EFNA5: variants seen among roughly 807,000 people sequenced by gnomAD.
EFNA5 encodes the protein ephrin-A5.
A neutral mutation model predicts 22.9 loss-of-function variants in EFNA5; 5 were observed. The observed-to-expected ratio is 0.22, with a 90% CI of 0.11 to 0.46. The LOEUF is 0.46. EFNA5 is among the 20% of genes least tolerant of loss of function. The pLI is 0.99. For synonymous variants in EFNA5, 113 were observed against 112.2 expected (o/e 1.01, Z -0.04); for missense variants, 237 against 293.3 (o/e 0.81, Z 1.40).
chr5:107,581,804 G>T (rs868256089), intron 1 of EFNA5, among the ~76,000 whole-genome samples: 69 of 152,300 alleles, frequency 4.5e-4, no homozygotes, highest in African/African-American at 1.6e-3. Context: ...AGACAAACTG[G>T]CTGTCCTGAA....
chr5:107,611,191 C>G (rs771177377), intron 1 of EFNA5, among the ~76,000 whole-genome samples: 2 of 151,698 alleles, frequency 1.3e-5, no homozygotes, highest in Non-Finnish European at 2.9e-5. Flanking sequence ...CAGAGCCCAC[C>G]GACAAAAATA....
Position 107,379,505 on chromosome 5 carries a change from T to TATATTGAA in EFNA5, c.*1742_*1749dup. The stretch of plus-strand genomic sequence containing the variant: ...TTACATGATCATCACATTTATTTCT[T>TATATTGAA]ATATTGAAAGGCATGGTTTCTGTTG... On this transcript the variant is annotated 3_prime_UTR_variant, in exon 5 of 5. Coordinates refer to ENST00000333274, the MANE Select transcript of EFNA5 (RefSeq NM_001962.3). The TATATTGAA allele has an allele frequency of 6.9e-6, 1 of 145,616 alleles. No homozygotes were observed. Among genetic ancestry groups the TATATTGAA allele is most frequent in the Non-Finnish European group, 1.5e-5 (1 of 67,348 alleles). The allele number at this position is 145,616 out of a possible 1,614,324, so 9.0% of individuals were successfully genotyped here. A position where few individuals can be genotyped will look rare whatever the true frequency, so the allele number is the denominator to read the frequency against.
chr5:107,501,183 C>A (rs935088236), intron 1 of EFNA5, among the ~76,000 whole-genome samples: 26 of 152,180 alleles, frequency 1.7e-4, no homozygotes, highest in Non-Finnish European at 3.1e-4. Flanking sequence ...CTTGTTAAAA[C>A]AATTTATTTG....
chr5:107,469,016 C>T lies in EFNA5; in HGVS notation c.126-41507G>A, dbSNP rs141469247. 5.0e-3 allele frequency among the ~76,000 whole-genome samples: 767 copies of T among 152,304 alleles called. 4 individuals are homozygous for T. Among genetic ancestry groups the T allele is most frequent in the Non-Finnish European group, 8.5e-3 (579 of 68,018 alleles). On this transcript the variant is annotated intron_variant, in intron 1 of 4. Coordinates refer to ENST00000333274, the MANE Select transcript of EFNA5 (RefSeq NM_001962.3). ...AAATTTAAACCACATTCTGCCACAA[C>T]CACCAATGAATGTTTAGCAGGACCA...
intron 1 of EFNA5, among the ~76,000 whole-genome samples, chr5:107,482,864 CTCTCTCTA>C (rs1277174474): frequency 4.5e-3 from 218 of 48,252 alleles, no homozygotes; most frequent in Middle Eastern, 0.019. Context: ...CTCTCTCTCT[CTCTCTCTA>C]TATATATATA....
Position 107,670,894 on chromosome 5 carries a change from G to T in EFNA5, c.-281C>A. 1 of 384,632 alleles carries T rather than the reference G, an allele frequency of 2.6e-6. No individual in the cohort carries two copies. Among genetic ancestry groups the T allele is most frequent in the South Asian group, 3.0e-5 (1 of 33,058 alleles). The allele number at this position is 384,632 out of a possible 1,614,324, so 23.8% of individuals were successfully genotyped here. On this transcript the variant is annotated 5_prime_UTR_variant, in exon 1 of 5. Coordinates refer to ENST00000333274, the MANE Select transcript of EFNA5 (RefSeq NM_001962.3). ...AAAAGGAATCACAAGATGGAGAGAAGCGTGCGTGTGTGTGGTGGCGGCGGC... is the reference window on the plus strand; with the variant it reads ...AAAAGGAATCACAAGATGGAGAGAATCGTGCGTGTGTGTGGTGGCGGCGGC...
intron 1 of EFNA5, among the ~76,000 whole-genome samples, chr5:107,462,620 G>C (rs1314796071): frequency 6.6e-6 from 1 of 152,086 alleles, no homozygotes; most frequent in East Asian, 1.9e-4. Flanking sequence ...CAATCTCCCA[G>C]AGACTTTGTG....
intron 1 of EFNA5, among the ~76,000 whole-genome samples, chr5:107,428,831 G>C (rs1461341302): frequency 6.6e-6 from 1 of 152,134 alleles, no homozygotes; most frequent in Non-Finnish European, 1.5e-5. Context: ...CCGCTTCTGT[G>C]TAATTTCTAC....
chr5:107,524,119 T>G (rs1747650058), intron 1 of EFNA5, among the ~76,000 whole-genome samples: 1 of 152,212 alleles, frequency 6.6e-6, no homozygotes, highest in African/African-American at 2.4e-5. Context: ...ATTTAACCTC[T>G]TTTCACCCAT....
rs1747440883 is a variant in EFNA5, at chr5:107,381,041, G to C, written c.*214C>G. The C allele has an allele frequency of 3.3e-6, 2 of 598,576 alleles. No homozygotes were observed. Among genetic ancestry groups the C allele is most frequent in the Non-Finnish European group, 5.5e-6 (2 of 361,808 alleles). The allele number at this position is 598,576 out of a possible 1,614,324, so 37.1% of individuals were successfully genotyped here. The stretch of plus-strand genomic sequence containing the variant: ...GTGAGAGAAGCCAAGGGCCAGGGCT[G>C]GGGGTGGGGCGGGGTGGGGTGAGGG... On this transcript the variant is annotated 3_prime_UTR_variant, in exon 5 of 5. Coordinates refer to ENST00000333274, the MANE Select transcript of EFNA5 (RefSeq NM_001962.3).
intron 1 of EFNA5, among the ~76,000 whole-genome samples, chr5:107,514,893 T>C (rs111497023): frequency 2.0e-5 from 3 of 152,304 alleles, no homozygotes; most frequent in Non-Finnish European, 2.9e-5. Context: ...GAGTCCTTGA[T>C]AAGGCTTTTC....
chr5:107,481,449 T>C (rs1750457643), intron 1 of EFNA5, among the ~76,000 whole-genome samples: 2 of 152,232 alleles, frequency 1.3e-5, no homozygotes, highest in Admixed American at 6.5e-5. Context: ...TACATAGTTC[T>C]CTGAGAATAC....
chr5:107,498,783 T>C (rs1164625824), intron 1 of EFNA5, among the ~76,000 whole-genome samples: 6 of 152,138 alleles, frequency 3.9e-5, no homozygotes, highest in Admixed American at 6.5e-5. Flanking sequence ...AGAGGGACTA[T>C]TCCTGAATAC....
intron 1 of EFNA5, among the ~76,000 whole-genome samples, chr5:107,564,923 C>T (rs1041210414): frequency 6.6e-6 from 1 of 152,066 alleles, no homozygotes; most frequent in Admixed American, 6.6e-5. Context: ...TTACCACATA[C>T]CCTCAGCGTG....
At chr5:107,544,407 G>A (rs887506302) in intron 1 of EFNA5, among the ~76,000 whole-genome samples, 4 of 152,082 alleles carry the variant, frequency 2.6e-5, no homozygotes, top group Admixed American at 2.0e-4. Flanking sequence ...GCAGAACAAG[G>A]ATGCATTTTT....
chr5:107,553,803 G>A (rs1404811592), intron 1 of EFNA5, among the ~76,000 whole-genome samples: 1 of 151,832 alleles, frequency 6.6e-6, no homozygotes, highest in Non-Finnish European at 1.5e-5. Flanking sequence ...GACATTTTTG[G>A]TCTAAATTAT....
chr5:107,390,738 T>G (rs984697105), intron 2 of EFNA5, among the ~76,000 whole-genome samples: 7 of 151,662 alleles, frequency 4.6e-5, no homozygotes, highest in African/African-American at 1.7e-4. Flanking sequence ...TTATATTCAC[T>G]ATATATAACT....
intron 1 of EFNA5, among the ~76,000 whole-genome samples, chr5:107,604,252 T>C (rs1170333274): frequency 6.6e-6 from 1 of 152,126 alleles, no homozygotes; most frequent in African/African-American, 2.4e-5. Flanking sequence ...GTATCACGGC[T>C]CACTGCCACC....
intron 1 of EFNA5, among the ~76,000 whole-genome samples, chr5:107,460,012 T>G (rs1319710046): frequency 6.6e-6 from 1 of 152,074 alleles, no homozygotes; most frequent in Non-Finnish European, 1.5e-5. Context: ...AGAGGTAACA[T>G]TTTTAGGGCA....
Sources: allele counts gnomAD v4.1 joint callset (sites outside exome capture counted in the v4.1 genomes callset), GRCh38; gene constraint gnomAD v4.1.1; transcripts MANE v1.5; gene names NCBI Gene and HGNC (gene_info 2026-07-23, HGNC 2026-07-21).